Variants in NRK observed in about 807,000 individuals in gnomAD.
The protein encoded by NRK is nik-related protein kinase.
Under a neutral mutation model 125.2 loss-of-function variants are expected in NRK, and 67 were observed. That is an observed-to-expected ratio of 0.54 (90% confidence interval 0.44 to 0.66). NRK has a LOEUF of 0.66. NRK is among the 30% of genes least tolerant of loss of function. NRK has a pLI of 0.00. For synonymous variants in NRK, 458 were observed against 429.0 expected (o/e 1.07, Z -0.84); for missense variants, 1,224 against 1,192.9 (o/e 1.03, Z -0.38).
chrX:105,861,354 G>A (rs1418583798), intron 2 of NRK, among the ~76,000 whole-genome samples: 2 of 112,210 alleles, frequency 1.8e-5, no homozygotes, highest in Non-Finnish European at 3.8e-5. Context: ...CCCACTCTGT[G>A]GGTTGTCTTT....
chrX:105,826,381 C>G (rs1350205688), intron 1 of NRK, among the ~76,000 whole-genome samples: 1 of 72,150 alleles, frequency 1.4e-5, no homozygotes, highest in Non-Finnish European at 2.4e-5. Flanking sequence ...TATATATTAT[C>G]ATATATATAA....
chrX:105,879,079 T>C (rs1240936443), intron 2 of NRK, among the ~76,000 whole-genome samples: 2 of 111,027 alleles, frequency 1.8e-5, no homozygotes, highest in Non-Finnish European at 3.8e-5. Context: ...GTTGTATCAC[T>C]GCAATTTCTT....
At chrX:105,940,873 C>A (rs1245837818) in intron 23 of NRK, among the ~76,000 whole-genome samples, 4 of 111,981 alleles carry the variant, frequency 3.6e-5, no homozygotes, top group African/African-American at 1.3e-4. Context: ...TGGGATATTT[C>A]TGTCCTGACT....
At chrX:105,933,166 G>GTCTATCTA (rs145260404) in intron 19 of NRK, among the ~76,000 whole-genome samples, 2,385 of 101,136 alleles carry the variant, frequency 0.024, 26 homozygotes, top group South Asian at 0.029. Flanking sequence ...ATCTATGTCT[G>GTCTATCTA]TCTATCTATC....
chrX:105,855,300 A>T (rs2039518548), intron 2 of NRK, among the ~76,000 whole-genome samples: 1 of 112,144 alleles, frequency 8.9e-6, no homozygotes, highest in Non-Finnish European at 1.9e-5. Flanking sequence ...AACTAGAGTT[A>T]GGAGAAATAG....
chrX:105,948,871 A>G (rs2040854908), intron 26 of NRK: 2 of 331,704 alleles, frequency 6.0e-6, no homozygotes, highest in Non-Finnish European at 1.0e-5. Context: ...CAATATCTGT[A>G]GTTTAAGAAA....
chrX:105,911,479 T>A (rs780842524), intron 13 of NRK, among the ~76,000 whole-genome samples: 1 of 111,802 alleles, frequency 8.9e-6, no homozygotes, highest in East Asian at 2.8e-4. Context: ...ACAAATGAAT[T>A]TTATCTGAGT....
At chrX:105,925,180 T>A (rs2040507523) in intron 19 of NRK, 149 bp downstream of exon 19, 2 of 439,984 alleles carry the variant, frequency 4.5e-6, no homozygotes, top group South Asian at 1.0e-4. Flanking sequence ...TGTAGGTGGA[T>A]CCTTATTACC....
At chrX:105,916,259 T>A (rs2147757623) in intron 15 of NRK, among the ~76,000 whole-genome samples, 1 of 111,045 alleles carries the variant, frequency 9.0e-6, no homozygotes, top group Non-Finnish European at 1.9e-5. Flanking sequence ...ATTATATAAA[T>A]AAAATATCAT....
intron 19 of NRK, among the ~76,000 whole-genome samples, chrX:105,928,702 T>C (rs2040555976): frequency 9.0e-6 from 1 of 111,657 alleles, no homozygotes; most frequent in Non-Finnish European, 1.9e-5. Flanking sequence ...ATTCATTTGC[T>C]TCAAATAATT....
intron 13 of NRK, among the ~76,000 whole-genome samples, chrX:105,911,213 G>A (rs1378507382): frequency 1.8e-5 from 2 of 112,041 alleles, no homozygotes; most frequent in Non-Finnish European, 3.8e-5. Context: ...TCACTAAAAC[G>A]TAATTGTTTC....
rs553074298 is a variant in NRK, at chrX:105,953,993, G to A, written c.4653+820G>A. On this transcript the variant is annotated intron_variant, in intron 28 of 28. Coordinates refer to ENST00000243300, the MANE Select transcript of NRK (RefSeq NM_198465.4). Reference sequence around the variant, plus strand: ...GCAAAAACCTGTGTTTCAGGTCAGCGAGACCTAGAATGCAGTCCTGGCTCT... The same window carrying A: ...GCAAAAACCTGTGTTTCAGGTCAGCAAGACCTAGAATGCAGTCCTGGCTCT... Among the ~76,000 whole-genome samples, 18 of 110,894 alleles carry A rather than the reference G, an allele frequency of 1.6e-4. No homozygotes were observed. The South Asian group carries it at 6.2e-3, about 38-fold the overall frequency.
chrX:105,939,988 G>A lies in NRK; in HGVS notation c.3914G>A (p.Cys1305Tyr), dbSNP rs1277049640. 8.4e-7 allele frequency: 1 copy of A among 1,190,781 alleles called. No individual in the cohort carries two copies. The highest frequency in any genetic ancestry group is 3.0e-5 in the East Asian group (1 of 33,355). Reference protein sequence around the residue: ...QEEMLKTEEACKAIDKLTGCE... With the variant: ...QEEMLKTEEAYKAIDKLTGCE... The stretch of plus-strand genomic sequence containing the variant: ...GAAATGCTGAAGACAGAGGAAGCCT[G>A]CAAAGCTATTGATAAGTTAACAGGC... The change falls in exon 23 of 29, where the codon TGC becomes TAC. Residue 1305 changes from cysteine to tyrosine, a missense_variant. Transcript: ENST00000243300.
intron 2 of NRK, among the ~76,000 whole-genome samples, chrX:105,852,870 G>A (rs932824637): frequency 2.7e-5 from 3 of 111,717 alleles, no homozygotes; most frequent in Admixed American, 9.5e-5. Context: ...ACCTCCCCAA[G>A]CCCCCTATAT....
chrX:105,954,644 T>C (rs1471342324), intron 28 of NRK, among the ~76,000 whole-genome samples: 2 of 111,312 alleles, frequency 1.8e-5, no homozygotes, highest in Non-Finnish European at 3.8e-5. Flanking sequence ...ACACCTAGTG[T>C]ATCTTATCAT....
chrX:105,953,464 ATTGTC>A (rs1349759731), intron 28 of NRK, among the ~76,000 whole-genome samples: 1 of 111,931 alleles, frequency 8.9e-6, no homozygotes, highest in Non-Finnish European at 1.9e-5. Flanking sequence ...GAAATCCTTT[ATTGTC>A]TTTGATTCAT....
chrX:105,903,441 A>G (rs182215790), intron 9 of NRK, among the ~76,000 whole-genome samples: 2 of 111,353 alleles, frequency 1.8e-5, no homozygotes, highest in African/African-American at 6.5e-5. Flanking sequence ...AGATCTCAAC[A>G]TGTGTTAAGA....
intron 9 of NRK, among the ~76,000 whole-genome samples, chrX:105,904,562 A>G (rs927147200): frequency 1.2e-3 from 131 of 112,107 alleles, no homozygotes; most frequent in African/African-American, 4.2e-3. Context: ...AGATGTATAT[A>G]TTTATGAGGT....
In NRK at chrX:105,909,046, C is replaced by T. The variant is rs765291622; in HGVS notation, c.1405C>T (p.Pro469Ser). ...KPLQMQIKAP[P>S]RLRRAARVLM... is the part of the protein sequence containing the mutation. ...TCTACAAATGCAGATTAAGGCACCT[C>T]CACGACTACGGAGGGCAGCCAGGGT... is the stretch of plus-strand genomic sequence containing the variant. The change falls in exon 13 of 29, where the codon CCA (proline) becomes TCA (serine). Residue 469 changes from proline to serine, a missense_variant. Coordinates refer to ENST00000243300, the MANE Select transcript of NRK (RefSeq NM_198465.4). The T allele has an allele frequency of 8.3e-7, 1 of 1,211,064 alleles. No individual in the cohort carries two copies. The highest frequency in any genetic ancestry group is 1.8e-5 in the South Asian group (1 of 56,963).
Sources: gnomAD v4.1 joint callset for allele counts (sites outside exome capture counted in the v4.1 genomes callset) on GRCh38, gnomAD v4.1.1 for gene constraint, MANE v1.5 for transcripts, NCBI Gene and HGNC (gene_info 2026-07-23, HGNC 2026-07-21) for gene names.